Variants in POLH observed in about 807,000 individuals in gnomAD.
POLH encodes DNA polymerase eta transcript.
Under a neutral mutation model 73.6 loss-of-function variants are expected in POLH, and 53 were observed. The observed-to-expected ratio is 0.72, with a 90% CI of 0.58 to 0.91. The LOEUF (loss-of-function observed/expected upper bound fraction) is 0.91. Among genes scored for constraint, POLH ranks in the 40% least tolerant of loss-of-function variants. The pLI, the probability that POLH is intolerant of heterozygous loss-of-function variation, is 0.00. For missense variants in POLH, 768 were observed against 865.4 expected (o/e 0.89, Z 1.41); for synonymous variants, 292 against 308.5 (o/e 0.95, Z 0.56).
chr6:43,597,813 C>T lies in POLH; in HGVS notation c.608C>T (p.Ala203Val). 8 of 1,613,664 alleles carry T rather than the reference C, an allele frequency of 5.0e-6. No homozygotes were observed. Among genetic ancestry groups the T allele is most frequent in the Non-Finnish European group, 6.8e-6 (8 of 1,179,654 alleles). ...GAVIVEEMRA[A>V]IERETGFQCS... ...GTGATTGTGGAGGAAATGAGAGCAG[C>T]CATAGAGAGGGAGACTGGTTTTCAG... Residue 203 changes from alanine to valine, a missense_variant, in exon 5 of 11, where the codon GCC becomes GTC. Ala to Val is a moderately conservative substitution (Grantham distance 64). Coordinates refer to ENST00000372236, the MANE Select transcript of POLH (RefSeq NM_006502.3).
chr6:43,598,201 C>CAAAAAAAAAAAAAAAAAAAA (rs560020212), intron 5 of POLH, among the ~76,000 whole-genome samples: 2 of 73,288 alleles, frequency 2.7e-5, no homozygotes, highest in African/African-American at 5.1e-5. Context: ...AGACTGTCAC[C>CAAAAAAAAAAAAAAAAAAAA]AAAAAAAAAA....
At chr6:43,584,282 A>G (rs1764577704) in intron 3 of POLH, among the ~76,000 whole-genome samples, 5 of 152,202 alleles carry the variant, frequency 3.3e-5, no homozygotes, top group Admixed American at 3.3e-4. Flanking sequence ...AGGACCTGAC[A>G]TACTTCTGAA....
At chr6:43,598,642 A>C (rs1334224926) in intron 5 of POLH, among the ~76,000 whole-genome samples, 1 of 152,108 alleles carries the variant, frequency 6.6e-6, no homozygotes, top group Admixed American at 6.5e-5. Context: ...CTCAAAAAAA[A>C]AAAAAGAAAA....
chr6:43,605,078 A>T (rs370981702), intron 8 of POLH, among the ~76,000 whole-genome samples, 176 bp from the exon 9 acceptor site: 6 of 152,242 alleles, frequency 3.9e-5, no homozygotes, highest in African/African-American at 9.6e-5. Context: ...GAAAGGCTTG[A>T]GCTAGGGCAG....
chr6:43,595,127 CAG>C (rs1424839311), intron 4 of POLH, among the ~76,000 whole-genome samples: 1 of 151,486 alleles, frequency 6.6e-6, no homozygotes, highest in East Asian at 1.9e-4. Flanking sequence ...GCTCAGGAGG[CAG>C]AGAATGCCCT....
At chr6:43,585,095 G>A (rs1288012765) in intron 3 of POLH, among the ~76,000 whole-genome samples, 1 of 152,258 alleles carries the variant, frequency 6.6e-6, no homozygotes, top group East Asian at 1.9e-4. Context: ...GGAGATTGTG[G>A]TTCCAGAGAG....
chr6:43,582,684 A>G (rs1412786409), intron 2 of POLH, among the ~76,000 whole-genome samples: 1 of 151,828 alleles, frequency 6.6e-6, no homozygotes, highest in Non-Finnish European at 1.5e-5. Context: ...CACCATGCCA[A>G]GCTGATTTTA....
Position 43,610,724 on chromosome 6 carries a change from G to A in POLH, c.1244+1G>A, listed in dbSNP as rs1395523441. On this transcript the variant is annotated splice_donor_variant, in intron 10 of 10. Coordinates refer to ENST00000372236, the MANE Select transcript of POLH (RefSeq NM_006502.3). LOFTEE classifies it high-confidence loss of function. ...ATACTTCTGGAATCCAGACAGAATG[G>A]TGAGTTCTTTTCTAGCTCATCTTCT... The A allele has an allele frequency of 6.2e-7, 1 of 1,609,142 alleles. No homozygotes were observed.
intron 6 of POLH, among the ~76,000 whole-genome samples, chr6:43,601,396 G>A (rs989986998): frequency 4.6e-5 from 7 of 152,048 alleles, no homozygotes; most frequent in Non-Finnish European, 1.5e-5. Context: ...CTCCTGAGTA[G>A]CTGGAATTAC....
rs200366966 is a variant in POLH at position 43,587,439 on chromosome 6, T to C, written c.440T>C (p.Ile147Thr). 6.2e-7 allele frequency: 1 copy of C among 1,614,194 alleles called. No homozygotes were observed. The highest frequency in any genetic ancestry group is 1.1e-5 in the South Asian group (1 of 91,088). Residue 147 changes from isoleucine (I) to threonine (T), a missense_variant, in exon 4 of 11, where the codon ATT becomes ACT. Coordinates refer to ENST00000372236, the MANE Select transcript of POLH (RefSeq NM_006502.3). ...ISADLLPSTYIEGLPQGPTTA... is the reference protein window; with the variant it reads ...ISADLLPSTYTEGLPQGPTTA... The stretch of plus-strand genomic sequence containing the variant: ...GCAGACTTGTTGCCAAGCACTTACA[T>C]TGAAGGGTTGCCCCAAGGCCCTACA...
chr6:43,585,942 T>A (rs975584219), intron 3 of POLH, among the ~76,000 whole-genome samples: 16 of 151,658 alleles, frequency 1.1e-4, no homozygotes, highest in Non-Finnish European at 1.9e-4. Flanking sequence ...CTGCGCCCGA[T>A]CTTGCTCTTT....
chr6:43,579,144 C>A (rs564423857), intron 1 of POLH, among the ~76,000 whole-genome samples: 1 of 151,332 alleles, frequency 6.6e-6, no homozygotes, highest in Admixed American at 6.6e-5. Flanking sequence ...TGAAGCAAGC[C>A]TCAGAAAACA....
At chr6:43,590,523 G>A (rs776016406) in intron 4 of POLH, among the ~76,000 whole-genome samples, 10 of 151,414 alleles carry the variant, frequency 6.6e-5, no homozygotes, top group East Asian at 1.9e-4. Context: ...GTGCAGTGGC[G>A]CAATCTCGGC....
Position 43,617,458 on chromosome 6 carries a change from T to C in POLH, c.*2901T>C, listed in dbSNP as rs187347958. ...CTGGCCAACATGGGGAAAACCCATC[T>C]CTACAAAAAATAACAAAAATTAGGT... On this transcript the variant is annotated 3_prime_UTR_variant, in exon 11 of 11. Transcript: ENST00000372236. Among the ~76,000 whole-genome samples, 13 of 151,386 alleles carry C rather than the reference T, an allele frequency of 8.6e-5. No individual in the cohort carries two copies. In the East Asian group the frequency reaches 2.4e-3, roughly 27 times the overall value.
chr6:43,602,377 T>C (rs1010281834), intron 6 of POLH, among the ~76,000 whole-genome samples: 1 of 152,184 alleles, frequency 6.6e-6, no homozygotes, highest in Non-Finnish European at 1.5e-5. Context: ...GATAAATGAA[T>C]TGTGCAGTAG....
chr6:43,607,421 A>G (rs1253400693), intron 9 of POLH, among the ~76,000 whole-genome samples: 4 of 152,168 alleles, frequency 2.6e-5, no homozygotes, highest in East Asian at 1.9e-4. Context: ...TGGCTGAATA[A>G]TATTCTATTG....
chr6:43,588,237 CT>C (rs1174572663), intron 4 of POLH: 3 of 152,900 alleles, frequency 2.0e-5, no homozygotes, highest in Admixed American at 6.5e-5. Flanking sequence ...CACAAGGCCC[CT>C]CTCATTGTAT....
rs911607256 is a variant in POLH, at chr6:43,616,498, A to C, written c.*1941A>C. Among the ~76,000 whole-genome samples, 22 of 151,050 alleles carry C rather than the reference A, an allele frequency of 1.5e-4. No homozygotes were observed. Among genetic ancestry groups the C allele is most frequent in the African/African-American group, 5.4e-4 (22 of 41,030 alleles). Reference sequence around the variant, plus strand: ...CAGGTACTCGGGAGACTGAGGCAGGAGAATTGCTTGAACCTGGAAGGTGGA... The same window carrying C: ...CAGGTACTCGGGAGACTGAGGCAGGCGAATTGCTTGAACCTGGAAGGTGGA... On this transcript the variant is annotated 3_prime_UTR_variant, in exon 11 of 11. Transcript: ENST00000372236.
chr6:43,614,982 ACT>A lies in POLH; in HGVS notation c.*427_*428del, dbSNP rs2127823201. The A allele has an allele frequency of 5.9e-6, 1 of 168,292 alleles. No homozygotes were observed. Among genetic ancestry groups the A allele is most frequent in the African/African-American group, 2.4e-5 (1 of 41,696 alleles). 10.4% of individuals were successfully genotyped at this position (168,292 alleles called of 1,614,324 possible). ...AATAACAATGTATTCAAATTATGTA[ACT>A]CGGCCGGGTACAATGGCTCACGCCT... On this transcript the variant is annotated 3_prime_UTR_variant, in exon 11 of 11. Transcript: ENST00000372236.
Sources: allele counts gnomAD v4.1 joint callset (sites outside exome capture counted in the v4.1 genomes callset), GRCh38; gene constraint gnomAD v4.1.1; transcripts MANE v1.5; gene names NCBI Gene and HGNC (gene_info 2026-07-23, HGNC 2026-07-21).